Variants in HELZ observed in about 807,000 individuals in gnomAD.
HELZ encodes ATP-dependent RNA helicase with zinc finger domain.
In HELZ, 23 loss-of-function variants were observed where a neutral mutation model predicts 218.2. The observed-to-expected ratio is 0.11, with a 90% CI of 0.08 to 0.15. The LOEUF is 0.15. HELZ is among the 10% of genes least tolerant of loss of function. HELZ has a pLI of 1.00. For synonymous variants in HELZ, 814 were observed against 829.4 expected, an observed-to-expected ratio of 0.98 and a Z score of 0.32; for missense variants, 1,813 against 2,353.7, an observed-to-expected ratio of 0.77 and a Z score of 4.75.
chr17:67,213,829 C>A (rs1044835005), intron 5 of HELZ, among the ~76,000 whole-genome samples: 2 of 152,068 alleles, frequency 1.3e-5, no homozygotes, highest in African/African-American at 4.8e-5. Context: ...ACATCCACGC[C>A]ATGGAAAATT....
chr17:67,154,184 T>C (rs2038771194), intron 17 of HELZ, among the ~76,000 whole-genome samples: 1 of 152,238 alleles, frequency 6.6e-6, no homozygotes. Context: ...TCCAAGCACT[T>C]TGGAAGCCTG....
intron 13 of HELZ, among the ~76,000 whole-genome samples, chr17:67,171,542 G>A (rs1186661311): frequency 6.6e-6 from 1 of 152,074 alleles, no homozygotes; most frequent in Non-Finnish European, 1.5e-5. Context: ...TAATTCATCT[G>A]CATCCCAACA....
rs866515391 is a variant in HELZ, at chr17:67,078,426, C to T, written c.5655G>A (p.Gln1885=). The change falls in exon 33 of 33, where the codon CAG becomes CAA. Residue 1885 remains glutamine, a synonymous_variant. Transcript: ENST00000358691. ...TGGCGGGCTTGCCCCCCGCAGAGCT[C>T]TGGGGGCTACTGCTATTGGCCGACT... ...IAESANSSSP[Q]SSAGGKPAMS... The T allele has an allele frequency of 7.5e-6, 12 of 1,596,016 alleles. No individual in the cohort carries two copies. Among genetic ancestry groups the T allele is most frequent in the Non-Finnish European group, 1.0e-5 (12 of 1,174,102 alleles).
intron 2 of HELZ, among the ~76,000 whole-genome samples, chr17:67,240,112 A>G (rs914031730): frequency 3.9e-5 from 6 of 152,244 alleles, no homozygotes; most frequent in African/African-American, 7.2e-5. Flanking sequence ...CAACCTGACT[A>G]AAGAACTAAC....
chr17:67,212,737 C>T (rs1170059868), intron 5 of HELZ, among the ~76,000 whole-genome samples: 2 of 152,142 alleles, frequency 1.3e-5, no homozygotes, highest in African/African-American at 4.8e-5. Flanking sequence ...TAATGAACTC[C>T]TTCCTTATTG....
intron 18 of HELZ, 128 bp from the exon 19 acceptor site, chr17:67,150,113 A>G: frequency 3.0e-6 from 1 of 334,380 alleles, no homozygotes; most frequent in Non-Finnish European, 5.2e-6. Flanking sequence ...GAGTACTTTT[A>G]TTTATTTATT....
At position 67,152,781 on chromosome 17, in the gene HELZ, A is replaced by AC. The variant is rs1261934393; in HGVS notation, c.2178-1558_2178-1557insG. On this transcript the variant is annotated intron_variant, in intron 17 of 32. Coordinates refer to ENST00000358691, the MANE Select transcript of HELZ (RefSeq NM_014877.4). Reference sequence around the variant, plus strand: ...AAGAGTAGATTTAAAAAAAAAAAAAAAAAACAACTAGTGGAAGGAAGAATG... The same window carrying AC: ...AAGAGTAGATTTAAAAAAAAAAAAAACAAAACAACTAGTGGAAGGAAGAATG... Among the ~76,000 whole-genome samples, 8 of 151,524 alleles carry AC rather than the reference A, an allele frequency of 5.3e-5. No individual in the cohort carries two copies. In the East Asian group the frequency reaches 1.5e-3, roughly 29 times the overall value.
chr17:67,115,184 A>G (rs1413219609), intron 27 of HELZ, among the ~76,000 whole-genome samples: 1 of 152,128 alleles, frequency 6.6e-6, no homozygotes, highest in Non-Finnish European at 1.5e-5. Context: ...CACTGAATGG[A>G]ATTACCAGCA....
intron 12 of HELZ, among the ~76,000 whole-genome samples, chr17:67,186,456 T>C (rs1419647429): frequency 6.6e-6 from 1 of 152,142 alleles, no homozygotes; most frequent in Non-Finnish European, 1.5e-5. Context: ...ACTCTGATTT[T>C]TGTCCTCTGC....
intron 16 of HELZ, 102 bp downstream of exon 16, chr17:67,160,795 A>G: frequency 1.3e-6 from 1 of 790,992 alleles, no homozygotes; most frequent in Non-Finnish European, 1.9e-6. Flanking sequence ...CATGTTTAAG[A>G]GCTGCATGAA....
chr17:67,234,869 C>T (rs982246085), intron 3 of HELZ, among the ~76,000 whole-genome samples: 1 of 152,054 alleles, frequency 6.6e-6, no homozygotes, highest in African/African-American at 2.4e-5. Context: ...CTTCCCTTTG[C>T]TTCTCGGCTT....
At chr17:67,087,185 C>G in intron 31 of HELZ, 104 bp from the exon 32 acceptor site, 1 of 1,056,622 alleles carries the variant, frequency 9.5e-7, no homozygotes. Context: ...TAAAAATTGT[C>G]AAGAATATAC....
At chr17:67,160,773 T>C (rs1442168172) in intron 16 of HELZ, 124 bp downstream of exon 16, 1 of 684,320 alleles carries the variant, frequency 1.5e-6, no homozygotes, top group East Asian at 3.0e-5. Flanking sequence ...GCTTTTCCTT[T>C]TCTCTTTTTT....
chr17:67,215,652 C>G lies in HELZ; in HGVS notation c.247+247G>C, dbSNP rs1270058530. ...GTGAGCCACCACACCCGGCCTCACACAAACTTCAAAAGGACACATCATCAA... is the reference window on the plus strand; with the variant it reads ...GTGAGCCACCACACCCGGCCTCACAGAAACTTCAAAAGGACACATCATCAA... On this transcript the variant is annotated intron_variant, in intron 5 of 32. Transcript: ENST00000358691. 7 of 490,558 alleles carry G rather than the reference C, an allele frequency of 1.4e-5. No homozygotes were observed. The South Asian group carries it at 1.5e-4, about 11-fold the overall frequency. 30.4% of individuals were successfully genotyped at this position (490,558 alleles called of 1,614,324 possible).
chr17:67,142,569 A>G (rs1256817181), intron 21 of HELZ, among the ~76,000 whole-genome samples: 1 of 152,164 alleles, frequency 6.6e-6, no homozygotes, highest in Non-Finnish European at 1.5e-5. Flanking sequence ...TCAAGATCCA[A>G]TAATATGCTG....
chr17:67,209,755 C>G (rs2040404659), intron 5 of HELZ, among the ~76,000 whole-genome samples: 1 of 152,178 alleles, frequency 6.6e-6, no homozygotes, highest in African/African-American at 2.4e-5. Flanking sequence ...CTTAATCTCA[C>G]AAAGTCTGTT....
At chr17:67,219,320 AT>A (rs2143308585) in intron 3 of HELZ, among the ~76,000 whole-genome samples, 1 of 152,374 alleles carries the variant, frequency 6.6e-6, no homozygotes, top group African/African-American at 2.4e-5. Context: ...TGAACTGTCC[AT>A]TAATTCAATT....
chr17:67,167,387 A>T, intron 14 of HELZ, 76 bp downstream of exon 14: 1 of 1,152,000 alleles, frequency 8.7e-7, no homozygotes, highest in Admixed American at 2.2e-5. Flanking sequence ...CAGAAGAAAA[A>T]CTAAACCAGA....
chr17:67,111,564 G>T (rs1286473743), intron 28 of HELZ, among the ~76,000 whole-genome samples: 1 of 152,184 alleles, frequency 6.6e-6, no homozygotes, highest in Non-Finnish European at 1.5e-5. Flanking sequence ...TACACTTGGT[G>T]ACCAACCTGT....
Sources: gnomAD v4.1 joint callset for allele counts (sites outside exome capture counted in the v4.1 genomes callset) on GRCh38, gnomAD v4.1.1 for gene constraint, MANE v1.5 for transcripts, NCBI Gene and HGNC (gene_info 2026-07-23, HGNC 2026-07-21) for gene names.